ZNF766: variants seen among roughly 807,000 people sequenced by gnomAD.
ZNF766 encodes zinc finger protein 766.
In ZNF766, 13 loss-of-function variants were observed where a neutral mutation model predicts 13.2. The observed-to-expected ratio is 0.98, with a 90% CI of 0.64 to 1.56. ZNF766 has a LOEUF of 1.56. Ranked by LOEUF, ZNF766 falls within the 40% of genes most tolerant of loss-of-function variation. The probability of loss-of-function intolerance (pLI) is 0.00; values close to 1 mark genes in which losing one functional copy is unlikely to be tolerated. For synonymous variants in ZNF766, 178 were observed against 187.6 expected (o/e 0.95, Z 0.42); for missense variants, 521 against 552.2 (o/e 0.94, Z 0.57).
chr19:52,269,587 A>G lies in ZNF766; in HGVS notation c.-27A>G. On this transcript the variant is annotated 5_prime_UTR_variant, in exon 1 of 4. Coordinates refer to ENST00000439461, the MANE Select transcript of ZNF766 (RefSeq NM_001010851.3). ...TCTCCGTTCGCGCGCAGCCGCCTGC[A>G]GACCCGGAAGTGGATGGCGTGGAGA... 6.2e-7 allele frequency: 1 copy of G among 1,611,414 alleles called. No individual in the cohort carries two copies.
At chr19:52,281,664 A>G in intron 1 of ZNF766, 1 of 397,256 alleles carries the variant, frequency 2.5e-6, no homozygotes, top group Non-Finnish European at 5.0e-6. Flanking sequence ...AACTTTACTC[A>G]GTTAGGTAAT....
intron 1 of ZNF766, among the ~76,000 whole-genome samples, chr19:52,279,192 G>A (rs565515261): frequency 2.6e-5 from 4 of 152,168 alleles, no homozygotes; most frequent in East Asian, 1.9e-4. Flanking sequence ...GTAGATGCAC[G>A]GCCTTATTTC....
chr19:52,280,155 A>G (rs1301744722), intron 1 of ZNF766, among the ~76,000 whole-genome samples: 1 of 152,098 alleles, frequency 6.6e-6, no homozygotes, highest in African/African-American at 2.4e-5. Context: ...ACTGAGTACT[A>G]TTTATACATT....
chr19:52,283,541 A>C (rs74507237), intron 3 of ZNF766, 128 bp downstream of exon 3: 34,810 of 1,258,144 alleles, frequency 0.028, 579 homozygotes, highest in South Asian at 0.039. Flanking sequence ...GGGCTTCAAC[A>C]GTCCTCCTGC....
At chr19:52,278,061 C>T (rs1981302319) in intron 1 of ZNF766, among the ~76,000 whole-genome samples, 1 of 151,074 alleles carries the variant, frequency 6.6e-6, no homozygotes, top group African/African-American at 2.4e-5. Flanking sequence ...CAACCTCTAC[C>T]TCCCAGGCTC....
Position 52,291,085 on chromosome 19 carries a change from A to G in ZNF766, c.1294A>G (p.Ile432Val). The change falls in exon 4 of 4, where the codon ATC becomes GTC. Residue 432 changes from isoleucine to valine, a missense_variant. Ile to Val is a conservative substitution (Grantham distance 29). Coordinates refer to ENST00000439461, the MANE Select transcript of ZNF766 (RefSeq NM_001010851.3). ...TTCACACCTTGCAAATCATCAGAGA[A>G]TCCACACTGGAGAGAAACCTTACAA... ...QNSHLANHQR[I>V]HTGEKPYKCH... 6.2e-7 allele frequency: 1 copy of G among 1,614,196 alleles called. No individual in the cohort carries two copies. The highest frequency in any genetic ancestry group is 8.5e-7 in the Non-Finnish European group (1 of 1,179,998).
chr19:52,286,905 G>T (rs1454193520), intron 3 of ZNF766, among the ~76,000 whole-genome samples: 1 of 151,978 alleles, frequency 6.6e-6, no homozygotes, highest in Non-Finnish European at 1.5e-5. Flanking sequence ...GCTTGATCTC[G>T]GCCCACTGCA....
rs1378136013 is a variant in ZNF766, at chr19:52,291,743, CAG to C, written c.*548_*549del. On this transcript the variant is annotated 3_prime_UTR_variant, in exon 4 of 4. Transcript: ENST00000439461. Reference sequence around the variant, plus strand: ...CGCCACTGCACTCCAACCTGGGTGACAGAGCGAGACTCCGTCTCAAAAAAAAA... The same window carrying C: ...CGCCACTGCACTCCAACCTGGGTGACAGCGAGACTCCGTCTCAAAAAAAAA... 1 of 160,234 alleles carries C rather than the reference CAG, an allele frequency of 6.2e-6. No homozygotes were observed. The highest frequency in any genetic ancestry group is 2.4e-5 in the African/African-American group (1 of 40,822). 9.9% of individuals were successfully genotyped at this position (160,234 alleles called of 1,614,324 possible).
At chr19:52,282,914 A>G (rs1981602925) in intron 2 of ZNF766, among the ~76,000 whole-genome samples, 1 of 152,204 alleles carries the variant, frequency 6.6e-6, no homozygotes, top group Non-Finnish European at 1.5e-5. Flanking sequence ...TCTGTGGGTG[A>G]ATTTGTGAAA....
At chr19:52,277,046 C>A in intron 1 of ZNF766, 1 of 929,888 alleles carries the variant, frequency 1.1e-6, no homozygotes, top group Non-Finnish European at 1.3e-6. Context: ...CAGTGGGCAG[C>A]AGAGGACCGT....
chr19:52,286,515 A>G (rs1445158617), intron 3 of ZNF766, among the ~76,000 whole-genome samples: 1 of 151,812 alleles, frequency 6.6e-6, no homozygotes, highest in African/African-American at 2.4e-5. Context: ...AGCTCAAGCG[A>G]TCCTCCCGCC....
intron 2 of ZNF766, among the ~76,000 whole-genome samples, chr19:52,282,905 CTG>C: frequency 6.6e-6 from 1 of 152,296 alleles, no homozygotes; most frequent in East Asian, 1.9e-4. Flanking sequence ...AGCAGACAGT[CTG>C]TGGGTGAATT....
chr19:52,277,555 C>T, intron 1 of ZNF766: 2 of 1,561,166 alleles, frequency 1.3e-6, no homozygotes, highest in Non-Finnish European at 1.7e-6. Context: ...AAGTGATATT[C>T]TCAGTAGATT....
chr19:52,269,658 T>C, intron 1 of ZNF766, 27 bp downstream of exon 1: 1 of 1,612,316 alleles, frequency 6.2e-7, no homozygotes, highest in Non-Finnish European at 8.5e-7. Context: ...TTAGATTAAG[T>C]GTTCGCTTAG....
chr19:52,282,025 G>A (rs1981551001), intron 1 of ZNF766, 86 bp from the exon 2 acceptor site: 9 of 1,510,536 alleles, frequency 6.0e-6, no homozygotes, highest in Non-Finnish European at 8.1e-6. Flanking sequence ...CTTCAGTTGA[G>A]TCAGTCCTTA....
intron 1 of ZNF766, chr19:52,281,650 A>T: frequency 2.6e-6 from 1 of 386,348 alleles, no homozygotes; most frequent in Non-Finnish European, 5.1e-6. Flanking sequence ...TTGTCCATGA[A>T]CTTAACTTTA....
Position 52,290,366 on chromosome 19 carries a change from A to G in ZNF766, c.575A>G (p.Gln192Arg), listed in dbSNP as rs766830670. The part of the protein sequence containing the change: ...IRRKPYECNE[Q>R]GKVFRVSSSL... ...AGAAAACCTTACGAATGTAATGAGC[A>G]GGGCAAAGTCTTCAGAGTGTCTTCA... Residue 192 changes from glutamine to arginine, a missense_variant, in exon 4 of 4, where the codon CAG (glutamine) becomes CGG (arginine). By Grantham distance (43) the Gln-to-Arg change is conservative. Transcript: ENST00000439461. The G allele has an allele frequency of 6.2e-7, 1 of 1,614,116 alleles. No homozygotes were observed. Among genetic ancestry groups the G allele is most frequent in the Non-Finnish European group, 8.5e-7 (1 of 1,180,032 alleles).
rs1167339021 is a variant in ZNF766 at position 52,290,920 on chromosome 19, C to G, written c.1129C>G (p.His377Asp). The change falls in exon 4 of 4, where the codon CAT becomes GAT. Residue 377 changes from histidine (H) to aspartate (D), a missense_variant. Coordinates refer to ENST00000439461, the MANE Select transcript of ZNF766 (RefSeq NM_001010851.3). Reference sequence around the variant, plus strand: ...CTCCCTGACAGTTCATCAGAGAAATCATAATGGAGAGAAACCTTATAAATG... The same window carrying G: ...CTCCCTGACAGTTCATCAGAGAAATGATAATGGAGAGAAACCTTATAAATG... Reference protein sequence around the residue: ...KFSLTVHQRNHNGEKPYKCHE... With the variant: ...KFSLTVHQRNDNGEKPYKCHE... 6.2e-7 allele frequency: 1 copy of G among 1,614,018 alleles called. No individual in the cohort carries two copies. Among genetic ancestry groups the G allele is most frequent in the Non-Finnish European group, 8.5e-7 (1 of 1,180,004 alleles).
chr19:52,286,050 T>C (rs983809150), intron 3 of ZNF766, among the ~76,000 whole-genome samples: 1 of 150,164 alleles, frequency 6.7e-6, no homozygotes, highest in Non-Finnish European at 1.5e-5. Context: ...CAGTAATCAA[T>C]GAAAGAGAGT....
Sources: allele counts gnomAD v4.1 joint callset (sites outside exome capture counted in the v4.1 genomes callset), GRCh38; gene constraint gnomAD v4.1.1; transcripts MANE v1.5; gene names NCBI Gene and HGNC (gene_info 2026-07-23, HGNC 2026-07-21).